ZFYVE26: variants seen among roughly 807,000 people sequenced by gnomAD.
The protein encoded by ZFYVE26 is zinc finger FYVE-type containing 26, also known as zinc finger FYVE domain-containing protein 26.
A neutral mutation model predicts 276.5 loss-of-function variants in ZFYVE26; 181 were observed. That is an observed-to-expected ratio of 0.65 (90% CI 0.58 to 0.74). The LOEUF (loss-of-function observed/expected upper bound fraction) is 0.74. Ranked by LOEUF, ZFYVE26 falls within the 30% of genes least tolerant of loss-of-function variation. ZFYVE26 has a pLI of 0.00. For synonymous variants in ZFYVE26, 1,129 were observed against 1,203.1 expected (o/e 0.94, Z 1.27); for missense variants, 2,821 against 3,097.9 (o/e 0.91, Z 2.12).
chr14:67,769,480 T>C, intron 29 of ZFYVE26, 114 bp downstream of exon 29: 1 of 1,482,858 alleles, frequency 6.7e-7, no homozygotes, highest in Non-Finnish European at 9.3e-7. Context: ...TCAGTGTGAA[T>C]GTTAAACATT....
chr14:67,809,107 C>A, intron 4 of ZFYVE26, 93 bp downstream of exon 4: 1 of 1,104,826 alleles, frequency 9.1e-7, no homozygotes, highest in Non-Finnish European at 1.4e-6. Context: ...GTATGGGCAA[C>A]ATCTTGGAGA....
In ZFYVE26 at chr14:67,769,675, G is replaced by T. The variant is rs1288760046; in HGVS notation, c.5540C>A (p.Ser1847Tyr). 6.2e-7 allele frequency: 1 copy of T among 1,614,102 alleles called. No homozygotes were observed. The highest frequency in any genetic ancestry group is 8.5e-7 in the Non-Finnish European group (1 of 1,179,986). The change falls in exon 29 of 42, where the codon TCC becomes TAC. Residue 1847 changes from serine to tyrosine, a missense_variant. By Grantham distance (144) the Ser-to-Tyr change is moderately radical. Coordinates refer to ENST00000347230, the MANE Select transcript of ZFYVE26 (RefSeq NM_015346.4). ...GCCTTCAACCACCATTTTCTTAGTGGAGCAGGAGCTGCACACTAGCCGGCC... is the reference window on the plus strand; with the variant it reads ...GCCTTCAACCACCATTTTCTTAGTGTAGCAGGAGCTGCACACTAGCCGGCC... Reference protein sequence around the residue: ...RCGRLVCSSCSTKKMVVEGCR... With the variant: ...RCGRLVCSSCYTKKMVVEGCR...
At chr14:67,754,251 G>C (rs2140183287) in intron 37 of ZFYVE26, 39 bp from the exon 38 acceptor site, 1 of 1,613,770 alleles carries the variant, frequency 6.2e-7, no homozygotes, top group East Asian at 2.2e-5. Flanking sequence ...CCTCATGAGG[G>C]GCCCCAGGTG....
rs573157419 is a variant in ZFYVE26, at chr14:67,789,573, G to A, written c.2781C>T (p.Asp927=). ...AAGMVFYSIS[D]VTDKLLNTSG... Reference sequence around the variant, plus strand: ...AGGTGTTGAGCAGCTTGTCAGTCACGTCAGAGATAGAGTAAAACACCATTC... The same window carrying A: ...AGGTGTTGAGCAGCTTGTCAGTCACATCAGAGATAGAGTAAAACACCATTC... The change falls in exon 16 of 42, where the codon GAC becomes GAT. Residue 927 remains aspartate, a synonymous_variant. Transcript: ENST00000347230. 26 of 1,614,070 alleles carry A rather than the reference G, an allele frequency of 1.6e-5. No homozygotes were observed. Among genetic ancestry groups the A allele is most frequent in the African/African-American group, 8.0e-5 (6 of 74,938 alleles).
At chr14:67,729,997 T>C (rs1005650627) in intron 13 of ZFYVE26, among the ~76,000 whole-genome samples, 2 of 152,218 alleles carry the variant, frequency 1.3e-5, no homozygotes, top group Non-Finnish European at 2.9e-5. Context: ...CAGTGCAGTA[T>C]TTATTCCGTG....
In ZFYVE26 at chr14:67,782,742, A is replaced by G. The variant is rs781174394; in HGVS notation, c.4372+38T>C. On this transcript the variant is annotated intron_variant, in intron 21 of 41. Coordinates refer to ENST00000347230, the MANE Select transcript of ZFYVE26 (RefSeq NM_015346.4). ...ATATACCCAGTGAATACCAAATATT[A>G]CCACTAGTGAAAAAGGGAGGCATAG... 4.3e-6 allele frequency: 7 copies of G among 1,612,962 alleles called. No homozygotes were observed. In the South Asian group the frequency reaches 7.7e-5, roughly 18 times the overall value.
At position 67,799,269 on chromosome 14, in the gene ZFYVE26, T is replaced by C. The variant is rs1392661604; in HGVS notation, c.1640-647A>G. The C allele has an allele frequency of 3.1e-6, 5 of 1,613,342 alleles. No homozygotes were observed. In the African/African-American group the frequency reaches 6.7e-5, roughly 22 times the overall value. ...GACATGGATCAGATCATGGAGTCTG[T>C]GCTTTGCGTGCAGTACACAGAGGAA... is the stretch of plus-strand genomic sequence containing the variant. On this transcript the variant is annotated intron_variant, in intron 10 of 41. Coordinates refer to ENST00000347230, the MANE Select transcript of ZFYVE26 (RefSeq NM_015346.4).
At position 67,748,337 on chromosome 14, in the gene ZFYVE26, G is replaced by C; in HGVS notation, c.*99C>G. The C allele has an allele frequency of 7.3e-7, 1 of 1,369,726 alleles. No individual in the cohort carries two copies. Among genetic ancestry groups the C allele is most frequent in the Admixed American group, 1.9e-5 (1 of 51,488 alleles). The allele number at this position is 1,369,726 out of a possible 1,614,324, so 84.8% of individuals were successfully genotyped here. On this transcript the variant is annotated 3_prime_UTR_variant, in exon 42 of 42. Transcript: ENST00000347230. The stretch of plus-strand genomic sequence containing the variant: ...CTCTTTCCAACCTAGGGCAGAGCCA[G>C]AGAAGTCCCACTCCACTGGAGGAAA...
intron 12 of ZFYVE26, chr14:67,796,601 A>G (rs2039958326): frequency 6.6e-6 from 1 of 152,202 alleles, no homozygotes. Context: ...TTTTATAAAC[A>G]TATTGAAATA....
chr14:67,787,237 C>T (rs1018487828), intron 16 of ZFYVE26, among the ~76,000 whole-genome samples: 2 of 151,674 alleles, frequency 1.3e-5, no homozygotes, highest in Non-Finnish European at 2.9e-5. Flanking sequence ...CTAGCTACTG[C>T]GGGGTTGTGG....
At chr14:67,810,703 T>C (rs1411999070) in intron 3 of ZFYVE26, among the ~76,000 whole-genome samples, 1 of 152,164 alleles carries the variant, frequency 6.6e-6, no homozygotes, top group Non-Finnish European at 1.5e-5. Context: ...AACACACAAA[T>C]TGGAGTCTCC....
chr14:67,756,286 T>C, intron 35 of ZFYVE26, 141 bp from the exon 36 acceptor site: 2 of 887,308 alleles, frequency 2.3e-6, no homozygotes, highest in East Asian at 2.4e-5. Context: ...GTGTCACAGA[T>C]ACCTTTGAGA....
At chr14:67,792,929 A>AAAG (rs1366210479) in intron 14 of ZFYVE26, among the ~76,000 whole-genome samples, 3 of 150,546 alleles carry the variant, frequency 2.0e-5, no homozygotes, top group Non-Finnish European at 4.4e-5. Flanking sequence ...AAAAAAAAAA[A>AAAG]AAAAAGAAAA....
In ZFYVE26 at chr14:67,802,260, A is replaced by C; in HGVS notation, c.1458T>G (p.Pro486=). ...GGTTCTGACACTGGCTCAGGTGCTC[A>C]GGGACTGGAGCATCAACTGCATCTG... ...QEPDAVDAPV[P]EHLSQCQNLT... is the part of the protein sequence containing the mutation. Residue 486 remains proline, a synonymous_variant, in exon 10 of 42, where the codon CCT becomes CCG. Transcript: ENST00000347230. 1 of 1,614,204 alleles carries C rather than the reference A, an allele frequency of 6.2e-7. No individual in the cohort carries two copies. Among genetic ancestry groups the C allele is most frequent in the Non-Finnish European group, 8.5e-7 (1 of 1,180,006 alleles).
At chr14:67,787,925 T>G (rs1009243073) in intron 16 of ZFYVE26, among the ~76,000 whole-genome samples, 4 of 152,232 alleles carry the variant, frequency 2.6e-5, no homozygotes, top group African/African-American at 9.6e-5. Context: ...TGGACTTGAC[T>G]GGTAAGAAGT....
chr14:67,749,647 A>G (rs545909067), intron 41 of ZFYVE26, among the ~76,000 whole-genome samples: 5 of 152,226 alleles, frequency 3.3e-5, no homozygotes, highest in African/African-American at 1.2e-4. Context: ...TTTGGTCACT[A>G]AAGTTTTTCT....
At chr14:67,810,858 G>A (rs1419983787) in intron 3 of ZFYVE26, among the ~76,000 whole-genome samples, 5 of 152,124 alleles carry the variant, frequency 3.3e-5, no homozygotes, top group Admixed American at 6.5e-5. Flanking sequence ...ACACCTGCAG[G>A]GATGTGTGTG....
At chr14:67,774,572 G>A (rs2039292597) in intron 27 of ZFYVE26, among the ~76,000 whole-genome samples, 1 of 152,132 alleles carries the variant, frequency 6.6e-6, no homozygotes, top group Admixed American at 6.5e-5. Context: ...TCAGTGCTGG[G>A]GCTAGTTGAA....
In ZFYVE26 at chr14:67,785,944, CT is replaced by C; in HGVS notation, c.3217del (p.Ser1073AlafsTer15). ...ELLQMCWPSL[S>X]EDCVASHTTL... is the part of the protein sequence containing the mutation. ...GGTGTGGCTGGCAACACAGTCCTCG[CT>C]TAGGCTGGGCCAGCACATCTGAAGC... On this transcript the variant is annotated frameshift_variant, in exon 18 of 42. Transcript: ENST00000347230. LOFTEE classifies it high-confidence loss of function. 1 of 1,614,214 alleles carries C rather than the reference CT, an allele frequency of 6.2e-7. No homozygotes were observed. The highest frequency in any genetic ancestry group is 1.3e-5 in the African/African-American group (1 of 75,068).
Sources: gnomAD v4.1 joint callset for allele counts (sites outside exome capture counted in the v4.1 genomes callset) on GRCh38, gnomAD v4.1.1 for gene constraint, MANE v1.5 for transcripts, NCBI Gene and HGNC (gene_info 2026-07-23, HGNC 2026-07-21) for gene names.